The following TULP4 variants were observed in gnomAD, a reference collection of about 807,000 sequenced individuals.
TULP4 encodes tubby-related protein 4.
In TULP4, 16 loss-of-function variants were observed where a neutral mutation model predicts 129.0. That is an observed-to-expected ratio of 0.12 (90% CI 0.08 to 0.19). The LOEUF (loss-of-function observed/expected upper bound fraction) is 0.19, where lower values mean the gene tolerates loss of function less well. Ranked by LOEUF, TULP4 falls within the 10% of genes least tolerant of loss-of-function variation. The pLI is 1.00. For synonymous variants in TULP4, 998 were observed against 854.0 expected (o/e 1.17, Z -2.94); for missense variants, 1,842 against 2,059.1 (o/e 0.89, Z 2.04).
chr6:158,268,297 C>G (rs1224655434), intron 1 of TULP4, among the ~76,000 whole-genome samples: 1 of 152,042 alleles, frequency 6.6e-6, no homozygotes, highest in Non-Finnish European at 1.5e-5. Context: ...CTTCTGCCTC[C>G]CAGAGTGCTG....
At chr6:158,342,059 C>T (rs1486402849) in intron 1 of TULP4, among the ~76,000 whole-genome samples, 1 of 152,200 alleles carries the variant, frequency 6.6e-6, no homozygotes, top group African/African-American at 2.4e-5. Flanking sequence ...GCTAGGATTA[C>T]AAGGATGTGC....
intron 1 of TULP4, among the ~76,000 whole-genome samples, chr6:158,401,311 C>A (rs1237557398): frequency 6.6e-6 from 1 of 152,096 alleles, no homozygotes; most frequent in Non-Finnish European, 1.5e-5. Flanking sequence ...TGGGCTCAAG[C>A]GAGCTGTCAG....
chr6:158,393,381 C>T (rs921050132), intron 1 of TULP4, among the ~76,000 whole-genome samples: 5 of 152,218 alleles, frequency 3.3e-5, no homozygotes, highest in Admixed American at 1.3e-4. Flanking sequence ...CCTCTTCTCA[C>T]AGCTTCACCA....
intron 2 of TULP4, among the ~76,000 whole-genome samples, chr6:158,419,194 A>G (rs983913370): frequency 6.6e-6 from 1 of 152,234 alleles, no homozygotes; most frequent in Non-Finnish European, 1.5e-5. Flanking sequence ...AAACCATGCC[A>G]TTGTCATGAT....
chr6:158,280,997 CACTT>C (rs960634903), upstream of TULP4, among the ~76,000 whole-genome samples: 2 of 151,972 alleles, frequency 1.3e-5, no homozygotes, highest in African/African-American at 4.8e-5. Flanking sequence ...AGTAATAACT[CACTT>C]GTAGCTTTTG....
intron 2 of TULP4, among the ~76,000 whole-genome samples, chr6:158,424,203 T>C (rs1356038395): frequency 6.6e-6 from 1 of 152,242 alleles, no homozygotes; most frequent in Non-Finnish European, 1.5e-5. Context: ...AGCACACGTA[T>C]ATGATGTAAA....
chr6:158,502,724 G>C lies in TULP4; in HGVS notation c.3061G>C (p.Gly1021Arg). 6.4e-7 allele frequency: 1 copy of C among 1,569,804 alleles called. No individual in the cohort carries two copies. The highest frequency in any genetic ancestry group is 1.2e-5 in the South Asian group (1 of 86,774). ...GGCCAAGTCCAAGGGCGGGCCCGGG[G>C]GGGTGGTGACACAGCTCCCAGCGCG... ...PLAKSKGGPG[G>R]VVTQLPARPP... Residue 1021 changes from glycine (G) to arginine (R), a missense_variant, in exon 13 of 14, where the codon GGG becomes CGG. Around this residue, in one of 5 missense-constraint regions of TULP4, gnomAD observed 1,089 missense variants for 987.1 expected, o/e 1.10. Transcript: ENST00000367097.
At chr6:158,357,213 C>A (rs1021966042) in intron 1 of TULP4, among the ~76,000 whole-genome samples, 1 of 152,276 alleles carries the variant, frequency 6.6e-6, no homozygotes, top group South Asian at 2.1e-4. Flanking sequence ...TGTGACTCTT[C>A]GAGTCAAGGT....
At chr6:158,469,926 C>T (rs1333028989) in intron 6 of TULP4, among the ~76,000 whole-genome samples, 6 of 151,976 alleles carry the variant, frequency 3.9e-5, no homozygotes, top group Non-Finnish European at 5.9e-5. Context: ...AGAATGGCGG[C>T]GGGCCACTTC....
At chr6:158,281,275 A>G (rs1002141779), upstream of TULP4, among the ~76,000 whole-genome samples, 7 of 149,234 alleles carry the variant, frequency 4.7e-5, no homozygotes, top group Non-Finnish European at 8.9e-5. Flanking sequence ...GTGCAGTGGC[A>G]CGATCTCTGC....
chr6:158,260,044 C>T (rs950316694), intron 1 of TULP4, among the ~76,000 whole-genome samples: 3 of 152,178 alleles, frequency 2.0e-5, no homozygotes, highest in Non-Finnish European at 4.4e-5. Context: ...AGCTCAGTCT[C>T]CAGCCCCTCT....
intron 13 of TULP4, among the ~76,000 whole-genome samples, chr6:158,504,528 T>G (rs1165460847): frequency 3.3e-5 from 5 of 151,466 alleles, no homozygotes; most frequent in Non-Finnish European, 7.4e-5. Context: ...TTTTTTTTTT[T>G]TGTATTTTTA....
chr6:158,242,199 TG>T (rs1434229163), intron 1 of TULP4: 5 of 1,379,378 alleles, frequency 3.6e-6, no homozygotes, highest in East Asian at 4.7e-5. Context: ...CTTCTGATAA[TG>T]AATGGTGGCA....
intron 1 of TULP4, among the ~76,000 whole-genome samples, chr6:158,352,745 G>GTTACTAATTTTTAAAA (rs1780554270): frequency 6.6e-6 from 1 of 152,154 alleles, no homozygotes; most frequent in South Asian, 2.1e-4. Flanking sequence ...TTTAATGTTG[G>GTTACTAATTTTTAAAA]ATTTGGCGTG....
rs759388731 is a variant in TULP4, at chr6:158,338,009, C to A, written c.252+23741C>A. ...ACCTGTCTCCACCCAACAGTGAATT[C>A]TCATGACTCTGGCCGTAGTTATTGA... On this transcript the variant is annotated intron_variant, in intron 1 of 13. Transcript: ENST00000367097. Among the ~76,000 whole-genome samples, 10 of 152,170 alleles carry A rather than the reference C, an allele frequency of 6.6e-5. No individual in the cohort carries two copies. The South Asian group carries it at 1.7e-3, about 25-fold the overall frequency.
In TULP4 at chr6:158,330,507, A is replaced by G. The variant is rs1779853200; in HGVS notation, c.252+16239A>G. Among the ~76,000 whole-genome samples the G allele has an allele frequency of 2.0e-5, 3 of 152,150 alleles. No individual in the cohort carries two copies. In the South Asian group the frequency reaches 6.2e-4, roughly 32 times the overall value. On this transcript the variant is annotated intron_variant, in intron 1 of 13. Transcript: ENST00000367097. Reference sequence around the variant, plus strand: ...ACTCTCTCTCTTTCTCTCTCTTGTTATATATGTAAGGTGTTCTTCCCCCCT... The same window carrying G: ...ACTCTCTCTCTTTCTCTCTCTTGTTGTATATGTAAGGTGTTCTTCCCCCCT...
chr6:158,387,352 A>C (rs183903104), intron 1 of TULP4, among the ~76,000 whole-genome samples: 1 of 152,268 alleles, frequency 6.6e-6, no homozygotes, highest in Admixed American at 6.5e-5. Flanking sequence ...CTGCAACACA[A>C]CATGCTGTAA....
chr6:158,438,722 T>C (rs1583875865), intron 3 of TULP4, among the ~76,000 whole-genome samples: 1 of 152,066 alleles, frequency 6.6e-6, no homozygotes, highest in Non-Finnish European at 1.5e-5. Flanking sequence ...GTAGCTGGGA[T>C]TACAGGCACG....
intron 1 of TULP4, among the ~76,000 whole-genome samples, chr6:158,367,600 C>T (rs1214834214): frequency 6.6e-6 from 1 of 152,110 alleles, no homozygotes; most frequent in African/African-American, 2.4e-5. Context: ...AAAAATAATT[C>T]ATGGTTAATT....
Sources: allele counts gnomAD v4.1 joint callset (sites outside exome capture counted in the v4.1 genomes callset), GRCh38; gene constraint gnomAD v4.1.1; regional missense constraint gnomAD v4.1.1; transcripts MANE v1.5; gene names NCBI Gene and HGNC (gene_info 2026-07-23, HGNC 2026-07-21).